The following PTPRD variants were observed in gnomAD, a reference collection of about 807,000 sequenced individuals.
The protein encoded by PTPRD is receptor-type tyrosine-protein phosphatase delta.
PTPRD carries 34 observed loss-of-function variants against 214.5 expected under a neutral mutation model. That is an observed-to-expected ratio of 0.16 (90% confidence interval 0.12 to 0.21). The LOEUF (loss-of-function observed/expected upper bound fraction) is 0.21. PTPRD is among the 10% of genes least tolerant of loss of function. The pLI is 1.00. For missense variants in PTPRD, 2,545 were observed against 2,398.7 expected, an observed-to-expected ratio of 1.06 and a Z score of -1.27; for synonymous variants, 1,128 against 845.7, an observed-to-expected ratio of 1.33 and a Z score of -5.79.
intron 22 of PTPRD, 53 bp downstream of exon 22, chr9:8,507,248 A>G (rs919369633): frequency 1.3e-6 from 2 of 1,574,268 alleles, no homozygotes; most frequent in African/African-American, 2.7e-5. Context: ...AAAAATAAAA[A>G]AGTGGCCCCA....
At chr9:9,950,003 A>C (rs1341957884) in intron 4 of PTPRD, among the ~76,000 whole-genome samples, 2 of 152,146 alleles carry the variant, frequency 1.3e-5, no homozygotes, top group Non-Finnish European at 2.9e-5. Context: ...TATTTCCTTA[A>C]GTTTGATTCT....
chr9:9,734,977 C>A (rs1042099573), intron 6 of PTPRD, among the ~76,000 whole-genome samples: 2 of 152,142 alleles, frequency 1.3e-5, no homozygotes, highest in Admixed American at 1.3e-4. Context: ...AGACTTTTCC[C>A]ATTTTTCAGG....
intron 2 of PTPRD, among the ~76,000 whole-genome samples, chr9:10,369,555 G>C (rs2097573791): frequency 6.6e-6 from 1 of 152,224 alleles, no homozygotes; most frequent in African/African-American, 2.4e-5. Context: ...AATGAGGCTA[G>C]TGGAAATGAA....
At chr9:8,848,504 ATTTTT>A (rs34149878) in intron 11 of PTPRD, among the ~76,000 whole-genome samples, 7 of 125,028 alleles carry the variant, frequency 5.6e-5, no homozygotes, top group African/African-American at 1.2e-4. Flanking sequence ...TCTGGCAAAT[ATTTTT>A]TTTTTTTTTT....
intron 10 of PTPRD, among the ~76,000 whole-genome samples, chr9:9,146,786 C>T (rs927184292): frequency 4.7e-4 from 72 of 152,074 alleles, no homozygotes; most frequent in African/African-American, 1.6e-3. Flanking sequence ...ACATTTTTAC[C>T]AATAAAAATG....
intron 3 of PTPRD, among the ~76,000 whole-genome samples, chr9:10,264,341 G>A (rs531236948): frequency 6.6e-6 from 1 of 152,260 alleles, no homozygotes; most frequent in South Asian, 2.1e-4. Flanking sequence ...GTCCACAAAG[G>A]CAGCCAGGAG....
At chr9:8,893,356 A>T (rs1176401589) in intron 11 of PTPRD, among the ~76,000 whole-genome samples, 1 of 152,190 alleles carries the variant, frequency 6.6e-6, no homozygotes, top group African/African-American at 2.4e-5. Context: ...CCTGCAAAAT[A>T]CGAAGGGAGA....
intron 3 of PTPRD, among the ~76,000 whole-genome samples, chr9:10,112,003 G>C (rs924521953): frequency 2.6e-5 from 4 of 152,138 alleles, no homozygotes; most frequent in African/African-American, 9.7e-5. Context: ...TGCTATGTAG[G>C]CCTGATTGAC....
chr9:9,108,333 A>G (rs931846572), intron 10 of PTPRD, among the ~76,000 whole-genome samples: 2 of 152,138 alleles, frequency 1.3e-5, no homozygotes, highest in Non-Finnish European at 1.5e-5. Context: ...ACCAACAGAA[A>G]CCTTCATTTG....
In PTPRD at chr9:9,695,095, A is replaced by G. The variant is rs149457341; in HGVS notation, c.-287+39438T>C. Among the ~76,000 whole-genome samples the G allele has an allele frequency of 5.3e-5, 8 of 152,314 alleles. No individual in the cohort carries two copies. In the East Asian group the frequency reaches 1.6e-3, roughly 30 times the overall value. On this transcript the variant is annotated intron_variant, in intron 7 of 45. Coordinates refer to ENST00000381196, the MANE Select transcript of PTPRD (RefSeq NM_002839.4). The stretch of plus-strand genomic sequence containing the variant: ...GTCTCCTCCACATTCAACACATTTC[A>G]GAGCCCAAAGCCCATGGCATACTCT...
chr9:10,532,393 T>C (rs2056601318), intron 2 of PTPRD: 1 of 151,712 alleles, frequency 6.6e-6, no homozygotes, highest in Non-Finnish European at 1.5e-5. Context: ...TCACTGAAAA[T>C]ATTTCAAATA....
chr9:8,607,111 T>C (rs777460468), intron 14 of PTPRD, among the ~76,000 whole-genome samples: 8 of 152,166 alleles, frequency 5.3e-5, no homozygotes, highest in Non-Finnish European at 8.8e-5. Flanking sequence ...AAGAGATCTA[T>C]TGTAGAACAT....
chr9:9,909,469 A>G (rs2078564529), intron 5 of PTPRD, among the ~76,000 whole-genome samples: 1 of 150,776 alleles, frequency 6.6e-6, no homozygotes, highest in East Asian at 1.9e-4. Context: ...GTTGAAAAAA[A>G]GCAGTGTAGT....
chr9:9,783,837 T>A (rs58036266), intron 5 of PTPRD, among the ~76,000 whole-genome samples: 2 of 127,160 alleles, frequency 1.6e-5, no homozygotes, highest in Non-Finnish European at 3.4e-5. Context: ...TTTTTTTTTT[T>A]AATTAAACTT....
intron 9 of PTPRD, among the ~76,000 whole-genome samples, chr9:9,342,538 T>A (rs528651546): frequency 3.7e-4 from 56 of 152,070 alleles, no homozygotes; most frequent in Non-Finnish European, 6.2e-4. Flanking sequence ...TGGCTACATG[T>A]GTATGGAAGG....
intron 3 of PTPRD, among the ~76,000 whole-genome samples, chr9:10,276,755 G>A (rs1009451962): frequency 6.6e-6 from 1 of 152,186 alleles, no homozygotes; most frequent in Non-Finnish European, 1.5e-5. Context: ...AGGCCAGGTA[G>A]TAGAGAAAGT....
chr9:10,009,670 G>A (rs1021103540), intron 4 of PTPRD, among the ~76,000 whole-genome samples: 3 of 145,556 alleles, frequency 2.1e-5, no homozygotes, highest in Non-Finnish European at 4.6e-5. Flanking sequence ...GTCTCTTCAA[G>A]ATCAGAAAAA....
chr9:9,141,187 T>C (rs1294162298), intron 10 of PTPRD, among the ~76,000 whole-genome samples: 1 of 142,258 alleles, frequency 7.0e-6, no homozygotes, highest in African/African-American at 2.6e-5. Context: ...TCTCTCTCTG[T>C]CTCTCTCCAT....
At chr9:8,511,070 T>A (rs1003235706) in intron 21 of PTPRD, among the ~76,000 whole-genome samples, 1 of 152,094 alleles carries the variant, frequency 6.6e-6, no homozygotes, top group African/African-American at 2.4e-5. Context: ...ATTTTATTTA[T>A]ATATTTATTT....
Sources: gnomAD v4.1 joint callset for allele counts (sites outside exome capture counted in the v4.1 genomes callset) on GRCh38, gnomAD v4.1.1 for gene constraint, MANE v1.5 for transcripts, NCBI Gene and HGNC (gene_info 2026-07-23, HGNC 2026-07-21) for gene names.